The following WBP1L variants were observed in gnomAD, a reference collection of about 807,000 sequenced individuals.
The protein encoded by WBP1L is WW domain binding protein 1 like.
WBP1L carries 17 observed loss-of-function variants against 33.7 expected under a neutral mutation model. The ratio of observed to expected loss-of-function variants is 0.50; its 90% CI spans 0.34 to 0.76. WBP1L has a LOEUF of 0.76. WBP1L is among the 30% of genes least tolerant of loss of function. WBP1L has a pLI of 0.01. For synonymous variants in WBP1L, 173 were observed against 190.8 expected (o/e 0.91, Z 0.77); for missense variants, 389 against 469.4 (o/e 0.83, Z 1.58).
intron 1 of WBP1L, among the ~76,000 whole-genome samples, chr10:102,770,641 C>A (rs548753627): frequency 2.0e-5 from 3 of 152,242 alleles, no homozygotes; most frequent in South Asian, 4.1e-4. Flanking sequence ...CAGATGAGAA[C>A]TTTAGGGCTT....
chr10:102,794,819 A>G (rs1359256658), intron 1 of WBP1L, among the ~76,000 whole-genome samples: 2 of 152,116 alleles, frequency 1.3e-5, no homozygotes, highest in East Asian at 1.9e-4. Context: ...CCATACCACT[A>G]TTGACTGACA....
intron 1 of WBP1L, among the ~76,000 whole-genome samples, chr10:102,797,076 G>C (rs1843582591): frequency 6.6e-6 from 1 of 152,168 alleles, no homozygotes; most frequent in South Asian, 2.1e-4. Flanking sequence ...AAATGATCTA[G>C]CAGATTGAAA....
At chr10:102,795,637 C>T (rs1288059121) in intron 1 of WBP1L, among the ~76,000 whole-genome samples, 1 of 152,230 alleles carries the variant, frequency 6.6e-6, no homozygotes, top group Non-Finnish European at 1.5e-5. Context: ...CCTGGGCTGC[C>T]TCTGGTGAAT....
rs1289075375 is a variant in WBP1L at position 102,812,874 on chromosome 10, C to T, written c.635C>T (p.Ala212Val). The T allele has an allele frequency of 1.3e-6, 2 of 1,572,878 alleles. No homozygotes were observed. Among genetic ancestry groups the T allele is most frequent in the Non-Finnish European group, 1.7e-6 (2 of 1,157,708 alleles). Residue 212 changes from alanine (A) to valine (V), a missense_variant, in exon 4 of 4, where the codon GCC becomes GTC. Transcript: ENST00000448841. ...CCAGTTGACCGAGCAGCCACCAAAGCCCCAGGGATGGAGCCCAGTGGCTCT... is the reference window on the plus strand; with the variant it reads ...CCAGTTGACCGAGCAGCCACCAAAGTCCCAGGGATGGAGCCCAGTGGCTCT... Reference protein sequence around the residue: ...DLPVDRAATKAPGMEPSGSVA... With the variant: ...DLPVDRAATKVPGMEPSGSVA...
At chr10:102,757,888 T>C (rs1199313869) in intron 1 of WBP1L, among the ~76,000 whole-genome samples, 86 of 17,578 alleles carry the variant, frequency 4.9e-3, no homozygotes, top group African/African-American at 0.014. Context: ...CCCCCCCCCC[T>C]TTTTTTTTTT....
chr10:102,813,088 T>G lies in WBP1L; in HGVS notation c.849T>G (p.His283Gln). The G allele has an allele frequency of 6.2e-7, 1 of 1,613,900 alleles. No homozygotes were observed. Among genetic ancestry groups the G allele is most frequent in the Non-Finnish European group, 8.5e-7 (1 of 1,180,020 alleles). Residue 283 changes from histidine (H) to glutamine (Q), a missense_variant, in exon 4 of 4, where the codon CAT (histidine) becomes CAG (glutamine). Coordinates refer to ENST00000448841, the MANE Select transcript of WBP1L (RefSeq NM_001083913.2). ...TGTGTGTGTGCAACCGGGGCCACCA[T>G]GACGATGACCTCAAAGAGTTCAACA... is the stretch of plus-strand genomic sequence containing the variant. ...IEVCVCNRGHHDDDLKEFNTL... is the reference protein window; with the variant it reads ...IEVCVCNRGHQDDDLKEFNTL...
chr10:102,814,626 C>T lies in WBP1L; in HGVS notation c.*1295C>T, dbSNP rs1843902787. 1 of 150,902 alleles carries T rather than the reference C, an allele frequency of 6.6e-6. No homozygotes were observed. The highest frequency in any genetic ancestry group is 6.7e-5 in the Admixed American group (1 of 15,008). The allele number at this position is 150,902 out of a possible 1,614,324, so 9.3% of individuals were successfully genotyped here. On this transcript the variant is annotated 3_prime_UTR_variant, in exon 4 of 4. Coordinates refer to ENST00000448841, the MANE Select transcript of WBP1L (RefSeq NM_001083913.2). ...CTTTTGAGTCGGGTGACTCATTTTT[C>T]TGTGTAGAGACTCGGTGGCCCAGGC...
chr10:102,777,060 A>G (rs1029004512), intron 1 of WBP1L, among the ~76,000 whole-genome samples: 10 of 152,176 alleles, frequency 6.6e-5, no homozygotes, highest in Admixed American at 6.5e-4. Context: ...GGAGCACTGC[A>G]TTCATTCCAG....
At chr10:102,779,072 C>T (rs574399467) in intron 1 of WBP1L, among the ~76,000 whole-genome samples, 1 of 151,988 alleles carries the variant, frequency 6.6e-6, no homozygotes, top group East Asian at 2.0e-4. Context: ...CTAGACTGTG[C>T]GGCTCAATGT....
chr10:102,744,204 A>T (rs1400837629), intron 1 of WBP1L, 61 bp downstream of exon 1: 11 of 1,462,582 alleles, frequency 7.5e-6, no homozygotes, highest in Admixed American at 6.9e-5. Context: ...GCCTGGCTGG[A>T]GGGGTCTGAA....
At chr10:102,744,533 T>C (rs1842841734) in intron 1 of WBP1L, 2 of 967,202 alleles carry the variant, frequency 2.1e-6, no homozygotes, top group Non-Finnish European at 2.5e-6. Flanking sequence ...GGCTATTGAG[T>C]TGGCCTGTGA....
At chr10:102,779,175 A>C (rs944491442) in intron 1 of WBP1L, among the ~76,000 whole-genome samples, 3 of 151,706 alleles carry the variant, frequency 2.0e-5, no homozygotes, top group African/African-American at 7.3e-5. Flanking sequence ...CTTACCCCTT[A>C]ATCCCAGCTT....
chr10:102,780,273 C>T (rs945989259), intron 1 of WBP1L, among the ~76,000 whole-genome samples: 3 of 152,122 alleles, frequency 2.0e-5, no homozygotes, highest in African/African-American at 7.2e-5. Flanking sequence ...AGATAGTCAC[C>T]TGGTGAACTT....
At position 102,812,910 on chromosome 10, in the gene WBP1L, T is replaced by C. The variant is rs537301953; in HGVS notation, c.671T>C (p.Leu224Pro). ...GAGCCCAGTGGCTCTGTGGCTGGCC[T>C]GGGGGAGCTGGACCCGGGGGCCTTC... ...GMEPSGSVAG[L>P]GELDPGAFLD... The change falls in exon 4 of 4, where the codon CTG becomes CCG. Residue 224 changes from leucine (L) to proline (P), a missense_variant. By Grantham distance (98) the Leu-to-Pro change is moderately conservative. Coordinates refer to ENST00000448841, the MANE Select transcript of WBP1L (RefSeq NM_001083913.2). 2.9e-5 allele frequency: 46 copies of C among 1,582,810 alleles called. 1 individual carries two copies. The South Asian group carries it at 5.0e-4, about 17-fold the overall frequency.
At chr10:102,801,899 CCTCTCCACTCT>C (rs1259895515) in intron 2 of WBP1L, among the ~76,000 whole-genome samples, 1 of 125,346 alleles carries the variant, frequency 8.0e-6, no homozygotes, top group Admixed American at 7.8e-5. Context: ...CTCTCCCCTC[CCTCTCCACTCT>C]TCCTCTCCCC....
At chr10:102,808,778 G>A (rs1175070968) in intron 2 of WBP1L, among the ~76,000 whole-genome samples, 1 of 152,180 alleles carries the variant, frequency 6.6e-6, no homozygotes, top group African/African-American at 2.4e-5. Flanking sequence ...TTTTTTTGAT[G>A]CTATCAGGAG....
At chr10:102,776,620 C>T (rs953665847) in intron 1 of WBP1L, among the ~76,000 whole-genome samples, 4 of 152,188 alleles carry the variant, frequency 2.6e-5, no homozygotes, top group Admixed American at 6.5e-5. Flanking sequence ...TAACCCTCTA[C>T]GTCCCCGAGG....
intron 1 of WBP1L, among the ~76,000 whole-genome samples, chr10:102,785,038 G>T (rs1486209475): frequency 2.0e-5 from 3 of 151,664 alleles, no homozygotes; most frequent in African/African-American, 4.8e-5. Flanking sequence ...ATCATGCCCG[G>T]CTAAATTTTG....
chr10:102,810,335 ATACC>A (rs1843811964), intron 3 of WBP1L, among the ~76,000 whole-genome samples: 1 of 151,696 alleles, frequency 6.6e-6, no homozygotes, highest in Non-Finnish European at 1.5e-5. Flanking sequence ...ACCTGCGTAC[ATACC>A]TACCTACCTA....
Sources: gnomAD v4.1 joint callset for allele counts (sites outside exome capture counted in the v4.1 genomes callset) on GRCh38, gnomAD v4.1.1 for gene constraint, MANE v1.5 for transcripts, NCBI Gene and HGNC (gene_info 2026-07-23, HGNC 2026-07-21) for gene names.